Variants in HPF1 observed in about 807,000 individuals in gnomAD.
HPF1 encodes the protein UPF0609 protein C4orf27.
HPF1 carries 35 observed loss-of-function variants against 38.8 expected under a neutral mutation model. That is an observed-to-expected ratio of 0.90 (90% CI 0.69 to 1.19). HPF1 has a LOEUF of 1.19. Ranked by LOEUF, HPF1 falls within the 50% of genes most tolerant of loss-of-function variation. The pLI, the probability that HPF1 is intolerant of heterozygous loss-of-function variation, is 0.00. For missense variants in HPF1, 367 were observed against 405.8 expected, an observed-to-expected ratio of 0.90 and a Z score of 0.82; for synonymous variants, 115 against 139.2, an observed-to-expected ratio of 0.83 and a Z score of 1.22.
chr4:169,742,178 A>C (rs1298662662), intron 4 of HPF1, 71 bp from the exon 5 acceptor site: 6 of 1,304,250 alleles, frequency 4.6e-6, no homozygotes, highest in Non-Finnish European at 5.3e-6. Flanking sequence ...TTCAAAGTTG[A>C]GCCAAGGTAA....
chr4:169,740,174 G>A (rs1379134476), intron 5 of HPF1, among the ~76,000 whole-genome samples: 1 of 152,144 alleles, frequency 6.6e-6, no homozygotes, highest in Non-Finnish European at 1.5e-5. Context: ...GTATGAAAAA[G>A]GTGAAGTGGC....
At chr4:169,755,317 C>T (rs2150294199) in intron 1 of HPF1, among the ~76,000 whole-genome samples, 1 of 152,064 alleles carries the variant, frequency 6.6e-6, no homozygotes, top group African/African-American at 2.4e-5. Flanking sequence ...TTTGTGGACC[C>T]ACTTATACAT....
At chr4:169,749,785 T>C (rs2150292918) in intron 3 of HPF1, among the ~76,000 whole-genome samples, 1 of 150,384 alleles carries the variant, frequency 6.6e-6, no homozygotes, top group East Asian at 1.9e-4. Flanking sequence ...AAGGATCCTA[T>C]TCACGTATAT....
At chr4:169,748,557 G>C (rs1356376532) in intron 4 of HPF1, among the ~76,000 whole-genome samples, 187 bp downstream of exon 4, 2 of 152,030 alleles carry the variant, frequency 1.3e-5, no homozygotes, top group Admixed American at 1.3e-4. Context: ...ATTTTTAGTA[G>C]AGATGGGGTA....
intron 6 of HPF1, among the ~76,000 whole-genome samples, chr4:169,735,168 C>A (rs534282206): frequency 4.6e-5 from 7 of 151,166 alleles, no homozygotes; most frequent in Admixed American, 4.0e-4. Flanking sequence ...AAAAGAAAAC[C>A]AGAGCCCTTA....
At chr4:169,744,058 C>T (rs1388757417) in intron 4 of HPF1, among the ~76,000 whole-genome samples, 1 of 152,156 alleles carries the variant, frequency 6.6e-6, no homozygotes, top group Admixed American at 6.5e-5. Flanking sequence ...TTATTACCAG[C>T]TGTATGTCTA....
rs1252140551 is a variant in HPF1, at chr4:169,746,848, G to T, written c.497+1896C>A. Among the ~76,000 whole-genome samples, 37 of 149,040 alleles carry T rather than the reference G, an allele frequency of 2.5e-4. No individual in the cohort carries two copies. In the East Asian group the frequency reaches 6.3e-3, roughly 25 times the overall value. ...GTAGTTCCTCAAATACTCACTTGCT[G>T]ATCTTCACCTAAGTTATAAATATCA... On this transcript the variant is annotated intron_variant, in intron 4 of 7. Coordinates refer to ENST00000393381, the MANE Select transcript of HPF1 (RefSeq NM_017867.3).
intron 6 of HPF1, among the ~76,000 whole-genome samples, chr4:169,736,798 A>G (rs1733901271): frequency 1.3e-5 from 2 of 152,232 alleles, no homozygotes; most frequent in Admixed American, 1.3e-4. Flanking sequence ...ATAAAGGAAT[A>G]CCAGCAGGGC....
At chr4:169,740,370 A>G (rs1361782862) in intron 5 of HPF1, among the ~76,000 whole-genome samples, 1 of 152,204 alleles carries the variant, frequency 6.6e-6, no homozygotes, top group Non-Finnish European at 1.5e-5. Context: ...CAAATGATAT[A>G]ACTCATAAAG....
chr4:169,745,781 G>A (rs1560889855), intron 4 of HPF1, among the ~76,000 whole-genome samples: 2 of 152,072 alleles, frequency 1.3e-5, no homozygotes, highest in African/African-American at 2.4e-5. Flanking sequence ...ACCATGCCTG[G>A]CTCCATCACA....
intron 5 of HPF1, among the ~76,000 whole-genome samples, chr4:169,740,600 T>A (rs1733956525): frequency 6.6e-6 from 1 of 152,220 alleles, no homozygotes; most frequent in African/African-American, 2.4e-5. Context: ...ACCTTGCATT[T>A]AACAGAAAAG....
In HPF1 at chr4:169,757,819, T is replaced by C. The variant is rs541898799; in HGVS notation, c.48+11A>G. ...CGCCCCGCGTAGCCCGCACAGCCTT[T>C]CCGGCAGTACCTGCGGCCCCTCTCC... On this transcript the variant is annotated intron_variant, in intron 1 of 7. Coordinates refer to ENST00000393381, the MANE Select transcript of HPF1 (RefSeq NM_017867.3). The C allele has an allele frequency of 2.0e-5, 31 of 1,561,526 alleles. 1 individual carries two copies. In the African/African-American group the frequency reaches 3.2e-4, roughly 16 times the overall value.
At chr4:169,746,420 A>G (rs1456038515) in intron 4 of HPF1, among the ~76,000 whole-genome samples, 1 of 152,182 alleles carries the variant, frequency 6.6e-6, no homozygotes, top group Non-Finnish European at 1.5e-5. Flanking sequence ...TCAAATGTTA[A>G]CATTAAACAT....
At chr4:169,743,409 C>CTTTTTTTTTTTTT (rs34941625) in intron 4 of HPF1, among the ~76,000 whole-genome samples, 4 of 69,714 alleles carry the variant, frequency 5.7e-5, no homozygotes, top group African/African-American at 2.6e-4. Context: ...TGCCCCTGGC[C>CTTTTTTTTTTTTT]TTTTTTTTTT....
At chr4:169,745,416 C>G (rs1734034945) in intron 4 of HPF1, among the ~76,000 whole-genome samples, 1 of 152,126 alleles carries the variant, frequency 6.6e-6, no homozygotes, top group African/African-American at 2.4e-5. Context: ...TGAACTGACT[C>G]TTAGAAACTG....
chr4:169,735,141 A>AG (rs1733876575), intron 6 of HPF1, among the ~76,000 whole-genome samples: 1 of 151,428 alleles, frequency 6.6e-6, no homozygotes, highest in African/African-American at 2.4e-5. Context: ...AAAAAAAAAA[A>AG]AGAAGAAAGA....
intron 3 of HPF1, 114 bp from the exon 4 acceptor site, chr4:169,748,956 G>A (rs1734084103): frequency 3.5e-6 from 2 of 572,148 alleles, no homozygotes; most frequent in Non-Finnish European, 6.3e-6. Flanking sequence ...CTTTTTGGAG[G>A]CCTTTTTTTT....
At chr4:169,739,240 G>C (rs1310105900) in intron 5 of HPF1, among the ~76,000 whole-genome samples, 1 of 152,124 alleles carries the variant, frequency 6.6e-6, no homozygotes, top group Non-Finnish European at 1.5e-5. Flanking sequence ...TCTATCCAGT[G>C]AAATCAAGTA....
At chr4:169,742,452 T>G (rs1157664235) in intron 4 of HPF1, among the ~76,000 whole-genome samples, 1 of 152,092 alleles carries the variant, frequency 6.6e-6, no homozygotes. Context: ...TGGAGAAGTC[T>G]GACCTAACAG....
Sources: allele counts gnomAD v4.1 joint callset (sites outside exome capture counted in the v4.1 genomes callset), GRCh38; gene constraint gnomAD v4.1.1; transcripts MANE v1.5; gene names NCBI Gene and HGNC (gene_info 2026-07-23, HGNC 2026-07-21).